Variants in KATNIP observed in about 807,000 individuals in gnomAD.
The protein encoded by KATNIP is katanin interacting protein.
In KATNIP, 126 loss-of-function variants were observed where a neutral mutation model predicts 174.0. The ratio of observed to expected loss-of-function variants is 0.72; its 90% CI spans 0.63 to 0.84. KATNIP has a LOEUF of 0.84. Among genes scored for constraint, KATNIP ranks in the 40% least tolerant of loss-of-function variants. The pLI, the probability that KATNIP is intolerant of heterozygous loss-of-function variation, is 0.00. For synonymous variants in KATNIP, 810 were observed against 835.7 expected, an observed-to-expected ratio of 0.97 and a Z score of 0.53; for missense variants, 1,958 against 2,109.7, an observed-to-expected ratio of 0.93 and a Z score of 1.41.
intron 10 of KATNIP, among the ~76,000 whole-genome samples, chr16:27,699,996 T>A (rs542294041): frequency 1.2e-4 from 19 of 152,244 alleles, no homozygotes; most frequent in African/African-American, 4.6e-4. Flanking sequence ...CTACAACCTC[T>A]GCCTCCCGGG....
chr16:27,758,093 C>T (rs957468195), intron 18 of KATNIP, among the ~76,000 whole-genome samples: 1 of 152,136 alleles, frequency 6.6e-6, no homozygotes, highest in Admixed American at 6.5e-5. Flanking sequence ...AGAACAGCCC[C>T]AAATTAGATG....
chr16:27,553,983 A>G, intron 1 of KATNIP, among the ~76,000 whole-genome samples: 1 of 136,858 alleles, frequency 7.3e-6, no homozygotes, highest in African/African-American at 2.7e-5. Flanking sequence ...GTGGGGGGAG[A>G]GAGGAGAGAG....
Position 27,776,987 on chromosome 16 carries a change from GA to G in KATNIP, c.4511del (p.Asn1504IlefsTer10), listed in dbSNP as rs780091123. 1.2e-5 allele frequency: 19 copies of G among 1,613,902 alleles called. No homozygotes were observed. The highest frequency in any genetic ancestry group is 1.1e-5 in the Non-Finnish European group (13 of 1,179,864). On this transcript the variant is annotated frameshift_variant, in exon 25 of 28. Coordinates refer to ENST00000261588, the MANE Select transcript of KATNIP (RefSeq NM_015202.5). LOFTEE classifies it high-confidence loss of function. This position sits in a 1 kb window ranked among gnomAD's most constrained non-coding sequence, Gnocchi z 4.7. ...PTTVSMIKLW[N>X]YAKTPHRGVK... ...CCACCGTGTCAATGATCAAACTGTGGAATTATGCGAAAACACCCCATCGAGG... is the reference window on the plus strand; with the variant it reads ...CCACCGTGTCAATGATCAAACTGTGGATTATGCGAAAACACCCCATCGAGG...
intron 3 of KATNIP, among the ~76,000 whole-genome samples, chr16:27,619,245 G>C (rs1397493030): frequency 6.6e-6 from 1 of 152,160 alleles, no homozygotes; most frequent in African/African-American, 2.4e-5. Context: ...GCTCAGCCCA[G>C]GCCAGCTGTC....
In KATNIP at chr16:27,558,318, G is replaced by A. The variant is rs146076821; in HGVS notation, c.7+8141G>A. On this transcript the variant is annotated intron_variant, in intron 1 of 27. Coordinates refer to ENST00000261588, the MANE Select transcript of KATNIP (RefSeq NM_015202.5). ...GTGCCACCACACCTGGCTAATTTTT[G>A]TATTTTTAGTAGGGATGGGGTTTCA... Among the ~76,000 whole-genome samples the A allele has an allele frequency of 3.2e-4, 48 of 152,128 alleles. 1 individual carries two copies. Among genetic ancestry groups the A allele is most frequent in the African/African-American group, 8.7e-4 (36 of 41,528 alleles).
chr16:27,734,783 C>T (rs888274360), intron 14 of KATNIP, among the ~76,000 whole-genome samples: 9 of 152,300 alleles, frequency 5.9e-5, no homozygotes, highest in African/African-American at 1.4e-4. Context: ...TAGCATGGGC[C>T]AGGACTGTGG....
At chr16:27,583,300 A>G (rs765223187) in intron 2 of KATNIP, among the ~76,000 whole-genome samples, 4 of 152,192 alleles carry the variant, frequency 2.6e-5, no homozygotes, top group Non-Finnish European at 5.9e-5. Context: ...TGGATAAACA[A>G]TGTGCCCTTC....
In KATNIP at chr16:27,575,687, C is replaced by T. The variant is rs181514420; in HGVS notation, c.63+1731C>T. Among the ~76,000 whole-genome samples, 228 of 152,294 alleles carry T rather than the reference C, an allele frequency of 1.5e-3. 1 individual carries two copies. Among genetic ancestry groups the T allele is most frequent in the Non-Finnish European group, 2.7e-3 (184 of 68,026 alleles). ...GCTGGGGCTGAACTGCACTCAGCGT[C>T]GTGTGAGTTACATGACCTTCACCTT... On this transcript the variant is annotated intron_variant, in intron 2 of 27. Coordinates refer to ENST00000261588, the MANE Select transcript of KATNIP (RefSeq NM_015202.5).
At chr16:27,771,697 G>C (rs777671783) in intron 22 of KATNIP, 45 bp downstream of exon 22, 16 of 1,597,626 alleles carry the variant, frequency 1.0e-5, no homozygotes, top group Middle Eastern at 1.7e-4. Context: ...GGGCCCCGAG[G>C]CAGCGCCTGG....
chr16:27,775,843 AG>A (rs2082476445), intron 24 of KATNIP, among the ~76,000 whole-genome samples: 1 of 152,164 alleles, frequency 6.6e-6, no homozygotes, highest in South Asian at 2.1e-4. Flanking sequence ...CTGAAAACAC[AG>A]GAAGGTACAG....
chr16:27,724,247 C>A (rs1289697123), intron 14 of KATNIP, among the ~76,000 whole-genome samples: 4 of 152,156 alleles, frequency 2.6e-5, no homozygotes, highest in Admixed American at 6.5e-5. Flanking sequence ...CATTCCAAGT[C>A]CCACTCAGTG....
At chr16:27,580,232 C>T (rs2090645480) in intron 2 of KATNIP, among the ~76,000 whole-genome samples, 1 of 152,208 alleles carries the variant, frequency 6.6e-6, no homozygotes, top group African/African-American at 2.4e-5. Flanking sequence ...CCCACCTCAG[C>T]CTCTTGAGTA....
intron 2 of KATNIP, among the ~76,000 whole-genome samples, chr16:27,597,351 C>T (rs2075365851): frequency 6.7e-6 from 1 of 149,598 alleles, no homozygotes. Flanking sequence ...CATTTGTATA[C>T]CTGAGTGTAT....
intron 14 of KATNIP, among the ~76,000 whole-genome samples, chr16:27,730,868 A>G (rs774738652): frequency 2.0e-5 from 3 of 152,208 alleles, no homozygotes; most frequent in Non-Finnish European, 2.9e-5. Flanking sequence ...CAGCTTCTGA[A>G]TTGTTTAATG....
rs1308307305 is a variant in KATNIP at position 27,773,105 on chromosome 16, TC to T, written c.4207del (p.Gln1403SerfsTer43). The T allele has an allele frequency of 6.2e-7, 1 of 1,601,948 alleles. No homozygotes were observed. The highest frequency in any genetic ancestry group is 8.5e-7 in the Non-Finnish European group (1 of 1,172,340). On this transcript the variant is annotated frameshift_variant, in exon 23 of 28. Transcript: ENST00000261588. LOFTEE classifies it high-confidence loss of function. The part of the protein sequence containing the change: ...EAPLMPCGFI[F>X]QFQLLTSWGD... ...CCTTAATAAAGTGTCCCAGTCATTT[TC>T]CAGTTTCAGCTTCTCACCAGCTGGG...
chr16:27,591,804 C>T (rs923525275), intron 2 of KATNIP, among the ~76,000 whole-genome samples: 5 of 152,204 alleles, frequency 3.3e-5, no homozygotes, highest in African/African-American at 1.2e-4. Context: ...TTAGCTCATA[C>T]TGAGCACATC....
intron 19 of KATNIP, among the ~76,000 whole-genome samples, chr16:27,765,121 G>T (rs2082077947): frequency 6.6e-6 from 1 of 152,222 alleles, no homozygotes; most frequent in South Asian, 2.1e-4. Flanking sequence ...TGTGGAGTGG[G>T]GAAGGTTCTA....
chr16:27,760,219 C>A (rs59724635), intron 18 of KATNIP, among the ~76,000 whole-genome samples: 1 of 152,104 alleles, frequency 6.6e-6, no homozygotes, highest in Non-Finnish European at 1.5e-5. Context: ...TTTCTGTGAA[C>A]GCTGCAAAGA....
intron 8 of KATNIP, among the ~76,000 whole-genome samples, chr16:27,694,683 C>G (rs2078853112): frequency 6.6e-6 from 1 of 151,998 alleles, no homozygotes; most frequent in Non-Finnish European, 1.5e-5. Flanking sequence ...GTAGTCCCAG[C>G]TACTCAGGAG....
Sources: gnomAD v4.1 joint callset for allele counts (sites outside exome capture counted in the v4.1 genomes callset) on GRCh38, gnomAD v4.1.1 for gene constraint, Gnocchi (gnomAD v3.1) non-coding constraint, MANE v1.5 for transcripts, NCBI Gene and HGNC (gene_info 2026-07-23, HGNC 2026-07-21) for gene names.